The following SGCZ variants were observed in gnomAD, a reference collection of about 807,000 sequenced individuals.
SGCZ encodes sarcoglycan zeta, also known as zeta-sarcoglycan.
A neutral mutation model predicts 41.3 loss-of-function variants in SGCZ; 40 were observed. The ratio of observed to expected loss-of-function variants is 0.97; its 90% confidence interval spans 0.75 to 1.26. The LOEUF (loss-of-function observed/expected upper bound fraction) is 1.26. SGCZ is among the 50% of genes most tolerant of loss of function. The probability of loss-of-function intolerance (pLI) is 0.00; values close to 1 mark genes in which losing one functional copy is unlikely to be tolerated. For missense variants in SGCZ, 552 were observed against 369.8 expected (o/e 1.49, Z -4.04); for synonymous variants, 206 against 137.5 (o/e 1.50, Z -3.49).
At chr8:14,296,515 A>G (rs1801016320) in intron 3 of SGCZ, among the ~76,000 whole-genome samples, 2 of 152,220 alleles carry the variant, frequency 1.3e-5, no homozygotes, top group South Asian at 4.1e-4. Flanking sequence ...TTTAAACAAA[A>G]GTAATAGAAT....
At chr8:14,235,075 T>A (rs1054491614) in intron 4 of SGCZ, among the ~76,000 whole-genome samples, 2 of 152,212 alleles carry the variant, frequency 1.3e-5, no homozygotes, top group African/African-American at 2.4e-5. Context: ...GACAACACCA[T>A]ACTTCTTATA....
At chr8:14,990,513 A>C (rs542266748) in intron 1 of SGCZ, among the ~76,000 whole-genome samples, 1 of 152,182 alleles carries the variant, frequency 6.6e-6, no homozygotes, top group South Asian at 2.1e-4. Context: ...CTCCATTGCC[A>C]ACTGAGCATG....
chr8:14,199,264 T>A lies in SGCZ; in HGVS notation c.425-34562A>T, dbSNP rs569932666. On this transcript the variant is annotated intron_variant, in intron 4 of 7. Transcript: ENST00000382080. ...GGCGATGGCTGTCATAGCGGACAGA[T>A]GAAATAAGCCCCTGTCTCCCATAGC... 9.2e-5 allele frequency among the ~76,000 whole-genome samples: 14 copies of A among 152,246 alleles called. No individual in the cohort carries two copies. In the East Asian group the frequency reaches 2.1e-3, roughly 23 times the overall value.
At chr8:15,097,845 T>G (rs1563123944) in intron 1 of SGCZ, among the ~76,000 whole-genome samples, 2 of 9,854 alleles carry the variant, frequency 2.0e-4, no homozygotes, top group African/African-American at 5.1e-4. Context: ...CGTGTGTGTA[T>G]ATATATATAT....
chr8:14,449,946 T>C (rs1012428076), intron 2 of SGCZ, among the ~76,000 whole-genome samples: 1 of 152,214 alleles, frequency 6.6e-6, no homozygotes, highest in African/African-American at 2.4e-5. Context: ...ATAGACAATA[T>C]AATGTGAAGA....
In SGCZ at chr8:14,697,415, T is replaced by A. The variant is rs539196251; in HGVS notation, c.40-142489A>T. ...CCCAGGTACATGGAAATACATCTAA[T>A]ATACTGCTTATCTTTAAAATATATT... On this transcript the variant is annotated intron_variant, in intron 1 of 7. Coordinates refer to ENST00000382080, the MANE Select transcript of SGCZ (RefSeq NM_139167.4). Among the ~76,000 whole-genome samples, 30 of 152,208 alleles carry A rather than the reference T, an allele frequency of 2.0e-4. 1 individual carries two copies. In the Middle Eastern group the frequency reaches 0.014, roughly 69 times the overall value.
chr8:14,275,345 G>A (rs10097490), intron 3 of SGCZ, among the ~76,000 whole-genome samples: 4,797 of 152,170 alleles, frequency 0.032, 91 homozygotes, highest in African/African-American at 0.052. Flanking sequence ...TGAGTTTTCA[G>A]CATATTTTCA....
At chr8:14,868,841 G>C (rs1309178218) in intron 1 of SGCZ, among the ~76,000 whole-genome samples, 1 of 152,014 alleles carries the variant, frequency 6.6e-6, no homozygotes, top group African/African-American at 2.4e-5. Flanking sequence ...AAATCTAGAA[G>C]AAATGGATAA....
chr8:14,102,611 C>T, intron 6 of SGCZ, 112 bp from the exon 7 acceptor site: 1 of 989,098 alleles, frequency 1.0e-6, no homozygotes, highest in Admixed American at 4.2e-5. Flanking sequence ...AAACAACAAC[C>T]AGACAGACAG....
intron 1 of SGCZ, among the ~76,000 whole-genome samples, chr8:14,585,758 T>C (rs1187922073): frequency 6.6e-6 from 1 of 152,162 alleles, no homozygotes; most frequent in Non-Finnish European, 1.5e-5. Context: ...TAATTGTTTA[T>C]TGCCACAAAA....
chr8:14,589,754 A>G (rs1805181831), intron 1 of SGCZ, among the ~76,000 whole-genome samples: 2 of 152,208 alleles, frequency 1.3e-5, no homozygotes, highest in African/African-American at 4.8e-5. Flanking sequence ...CACACAGCAC[A>G]AACTATTCTA....
At chr8:14,987,617 C>T (rs1377706810) in intron 1 of SGCZ, among the ~76,000 whole-genome samples, 1 of 151,880 alleles carries the variant, frequency 6.6e-6, no homozygotes, top group Non-Finnish European at 1.5e-5. Flanking sequence ...CATCCTTCTC[C>T]AAAATATTAG....
Position 14,751,084 on chromosome 8 carries a change from T to C in SGCZ, c.40-196158A>G, listed in dbSNP as rs1585230661. ...AAATTGGATGTAAAAGTAAGAAAAA[T>C]CACAGATTCCAAGATATCTTTCTTA... On this transcript the variant is annotated intron_variant, in intron 1 of 7. Coordinates refer to ENST00000382080, the MANE Select transcript of SGCZ (RefSeq NM_139167.4). Among the ~76,000 whole-genome samples, 6 of 152,314 alleles carry C rather than the reference T, an allele frequency of 3.9e-5. No homozygotes were observed. The South Asian group carries it at 1.0e-3, about 26-fold the overall frequency.
At chr8:14,942,481 T>G (rs368922578) in intron 1 of SGCZ, among the ~76,000 whole-genome samples, 17 of 152,224 alleles carry the variant, frequency 1.1e-4, no homozygotes, top group African/African-American at 3.6e-4. Context: ...ATGATATAAA[T>G]TGGAGAATAA....
At chr8:14,360,942 A>T (rs1157158062) in intron 2 of SGCZ, among the ~76,000 whole-genome samples, 1 of 152,186 alleles carries the variant, frequency 6.6e-6, no homozygotes, top group Admixed American at 6.5e-5. Flanking sequence ...CCGCAAGCTC[A>T]GCAGCATGTG....
chr8:14,289,761 A>G (rs1165471336), intron 3 of SGCZ, among the ~76,000 whole-genome samples: 2 of 152,018 alleles, frequency 1.3e-5, no homozygotes, highest in African/African-American at 4.8e-5. Flanking sequence ...ATATACATAT[A>G]TAGAAGAACT....
intron 1 of SGCZ, among the ~76,000 whole-genome samples, chr8:14,912,234 C>T (rs924955547): frequency 4.6e-5 from 7 of 151,942 alleles, no homozygotes; most frequent in African/African-American, 9.7e-5. Flanking sequence ...AAGAGACAGA[C>T]CCACCTTGCT....
chr8:14,149,306 T>G (rs1400572226), intron 5 of SGCZ, among the ~76,000 whole-genome samples: 1 of 152,032 alleles, frequency 6.6e-6, no homozygotes, highest in African/African-American at 2.4e-5. Flanking sequence ...CCCAAAATGA[T>G]TAGAACTGAT....
intron 1 of SGCZ, among the ~76,000 whole-genome samples, chr8:14,908,248 C>T (rs933040767): frequency 2.0e-5 from 3 of 151,914 alleles, no homozygotes; most frequent in Non-Finnish European, 2.9e-5. Flanking sequence ...TCAATTGGTC[C>T]GCAAAATGTT....
Sources: gnomAD v4.1 joint callset for allele counts (sites outside exome capture counted in the v4.1 genomes callset) on GRCh38, gnomAD v4.1.1 for gene constraint, MANE v1.5 for transcripts, NCBI Gene and HGNC (gene_info 2026-07-23, HGNC 2026-07-21) for gene names.